Variants in CCND3 observed in about 807,000 individuals in gnomAD.
The protein encoded by CCND3 is cyclin D3, also known as G1/S-specific cyclin-D3.
CCND3 carries 9 observed loss-of-function variants against 28.7 expected under a neutral mutation model. That is an observed-to-expected ratio of 0.31 (90% CI 0.19 to 0.55). The LOEUF is 0.55. CCND3 is among the 20% of genes least tolerant of loss of function. The pLI is 0.93. For synonymous variants in CCND3, 164 were observed against 163.9 expected (o/e 1.00, Z 0.00); for missense variants, 315 against 385.8 (o/e 0.82, Z 1.54).
intron 1 of CCND3, among the ~76,000 whole-genome samples, chr6:41,975,761 C>T (rs1465619732): frequency 6.8e-6 from 1 of 147,278 alleles, no homozygotes; most frequent in Non-Finnish European, 1.5e-5. Flanking sequence ...TTTTAAGTAT[C>T]GAGGGCTAAT....
chr6:42,048,401 C>T lies in CCND3; in HGVS notation c.-46+100G>A. 2.9e-6 allele frequency: 1 copy of T among 349,598 alleles called. No individual in the cohort carries two copies. The highest frequency in any genetic ancestry group is 2.1e-5 in the South Asian group (1 of 47,580). The allele number at this position is 349,598 out of a possible 1,614,324, so 21.7% of individuals were successfully genotyped here. On this transcript the variant is annotated intron_variant, in intron 1 of 4. Coordinates refer to the CCND3 transcript ENST00000372988. This position sits in a 1 kb window ranked among gnomAD's most constrained non-coding sequence, Gnocchi z 4.7. The stretch of plus-strand genomic sequence containing the variant: ...TGCCAACTAGGAAGTGATGAGGATG[C>T]GGCGACCCCATTGACCCACCCAGCA...
intron 1 of CCND3, among the ~76,000 whole-genome samples, chr6:41,997,978 TA>T (rs373867665): frequency 3.6e-5 from 5 of 139,874 alleles, no homozygotes; most frequent in Admixed American, 1.4e-4. Context: ...CAGTATCTAC[TA>T]AAAAAAAAAA....
chr6:41,964,484 GAA>G (rs1491492584), intron 1 of CCND3, among the ~76,000 whole-genome samples: 13 of 95,484 alleles, frequency 1.4e-4, no homozygotes, highest in East Asian at 6.2e-4. Flanking sequence ...GAGTGTGTGT[GAA>G]TGTGTGTGTG....
intron 1 of CCND3, among the ~76,000 whole-genome samples, chr6:41,999,730 C>T (rs1249569345): frequency 6.6e-6 from 1 of 151,852 alleles, no homozygotes; most frequent in African/African-American, 2.4e-5. Flanking sequence ...GTCATCTCTA[C>T]AAAAAATTTA....
Position 41,940,482 on chromosome 6 carries a change from AGCTGCAACT to A in CCND3, c.293_301del (p.Gln98_Gln100del), listed in dbSNP as rs1345985545. ...CAGCAGCATGCAGACCGCACCCAGG[AGCTGCAACT>A]GCGCCTTTCGGGTGGGGACGCAAGA... On this transcript the variant is annotated inframe_deletion, in exon 2 of 5. Coordinates refer to ENST00000372991, the MANE Select transcript of CCND3 (RefSeq NM_001760.5). The A allele has an allele frequency of 6.2e-7, 1 of 1,614,110 alleles. No individual in the cohort carries two copies. Among genetic ancestry groups the A allele is most frequent in the East Asian group, 2.2e-5 (1 of 44,874 alleles).
chr6:41,936,334 C>CA lies in CCND3; in HGVS notation c.711+224dup, dbSNP rs972515253. On this transcript the variant is annotated intron_variant, in intron 4 of 4. Coordinates refer to ENST00000372991, the MANE Select transcript of CCND3 (RefSeq NM_001760.5). This position sits in a 1 kb window ranked among gnomAD's most constrained non-coding sequence, Gnocchi z 4.4. Reference sequence around the variant, plus strand: ...CAAACCCCCCACCCCCACTCCAGCACACCACTTGGCAAGAAAAGAACCCCT... The same window carrying CA: ...CAAACCCCCCACCCCCACTCCAGCACAACCACTTGGCAAGAAAAGAACCCCT... 1.5e-6 allele frequency: 1 copy of CA among 662,476 alleles called. No individual in the cohort carries two copies. The highest frequency in any genetic ancestry group is 1.8e-5 in the African/African-American group (1 of 55,014). The allele number at this position is 662,476 out of a possible 1,614,324, so 41.0% of individuals were successfully genotyped here.
chr6:42,026,762 T>C (rs1257325062), intron 1 of CCND3, among the ~76,000 whole-genome samples: 2 of 152,192 alleles, frequency 1.3e-5, no homozygotes, highest in Non-Finnish European at 2.9e-5. Context: ...TTTGAGGTCA[T>C]GCTCTGAAAA....
chr6:42,032,970 A>G (rs1462843385), intron 1 of CCND3, among the ~76,000 whole-genome samples: 3 of 152,200 alleles, frequency 2.0e-5, no homozygotes, highest in Non-Finnish European at 4.4e-5. Flanking sequence ...TTCTGCTGAT[A>G]ATAGAACTTT....
chr6:41,992,463 G>GGT (rs1554164161), intron 1 of CCND3, among the ~76,000 whole-genome samples: 2 of 120,444 alleles, frequency 1.7e-5, no homozygotes, highest in Non-Finnish European at 3.3e-5. Context: ...CACCCAGCCG[G>GGT]TTTTTTTTTT....
chr6:42,044,119 A>G (rs1764454214), intron 1 of CCND3, among the ~76,000 whole-genome samples: 1 of 152,246 alleles, frequency 6.6e-6, no homozygotes, highest in East Asian at 1.9e-4. Context: ...GGAAGGGGAA[A>G]GAGAAGATGT....
intron 1 of CCND3, among the ~76,000 whole-genome samples, chr6:41,951,990 G>C (rs1776329638): frequency 2.0e-5 from 3 of 151,994 alleles, no homozygotes; most frequent in Admixed American, 2.0e-4. Context: ...TTGAACTCCT[G>C]ACCTCAGGTG....
intron 1 of CCND3, among the ~76,000 whole-genome samples, chr6:41,996,141 T>A (rs75108009): frequency 0.021 from 852 of 40,526 alleles, 6 homozygotes; most frequent in African/African-American, 0.05. Context: ...TATATATATT[T>A]TTTTTGTTTG....
intron 1 of CCND3, among the ~76,000 whole-genome samples, chr6:41,984,947 T>A (rs115354178): frequency 6.6e-6 from 1 of 152,248 alleles, no homozygotes; most frequent in Non-Finnish European, 1.5e-5. Context: ...TTACTCATAT[T>A]GTTTTTCTCT....
intron 1 of CCND3, among the ~76,000 whole-genome samples, chr6:42,046,855 G>T (rs933174338): frequency 1.3e-5 from 2 of 152,178 alleles, no homozygotes; most frequent in Admixed American, 6.5e-5. Context: ...ATTTTTTGTG[G>T]TCAGCGAAGG....
At chr6:41,980,996 T>A (rs1762330027) in intron 1 of CCND3, among the ~76,000 whole-genome samples, 1 of 152,160 alleles carries the variant, frequency 6.6e-6, no homozygotes, top group Non-Finnish European at 1.5e-5. Context: ...CTCTCACCAC[T>A]TTCTTTCAGC....
chr6:41,989,227 G>A (rs969714867), intron 1 of CCND3, among the ~76,000 whole-genome samples: 38 of 152,118 alleles, frequency 2.5e-4, no homozygotes, highest in African/African-American at 7.5e-4. Flanking sequence ...GGGAGGCTAA[G>A]GCGGGTGGAT....
rs1012428267 is a variant in CCND3, at chr6:41,939,059, A to T, written c.414+1311T>A. The stretch of plus-strand genomic sequence containing the variant: ...TCTACCTTCCAGCCCCAACCCCTCC[A>T]AAAACATCTTGCTCTCTGGCCCTGG... On this transcript the variant is annotated intron_variant, in intron 2 of 4. Transcript: ENST00000372991. The surrounding 1 kb of genome is among the most constrained non-coding windows in gnomAD (Gnocchi z 4.2). Among the ~76,000 whole-genome samples, 1 of 152,116 alleles carries T rather than the reference A, an allele frequency of 6.6e-6. No homozygotes were observed. The highest frequency in any genetic ancestry group is 2.4e-5 in the African/African-American group (1 of 41,432).
intron 1 of CCND3, among the ~76,000 whole-genome samples, chr6:42,029,749 A>G (rs12528470): frequency 0.031 from 4,676 of 151,810 alleles, 130 homozygotes; most frequent in South Asian, 0.086. Context: ...AGGCAAGAGA[A>G]TCACTTGAAC....
At chr6:42,008,273 G>T (rs1312023722) in intron 1 of CCND3, among the ~76,000 whole-genome samples, 1 of 152,126 alleles carries the variant, frequency 6.6e-6, no homozygotes, top group Non-Finnish European at 1.5e-5. Flanking sequence ...AGCTACTCGG[G>T]AGGCTGAGGT....
Sources: gnomAD v4.1 joint callset for allele counts (sites outside exome capture counted in the v4.1 genomes callset) on GRCh38, gnomAD v4.1.1 for gene constraint, Gnocchi (gnomAD v3.1) non-coding constraint, MANE v1.5 for transcripts, NCBI Gene and HGNC (gene_info 2026-07-23, HGNC 2026-07-21) for gene names.